Variants in MBD3 observed in about 807,000 individuals in gnomAD.
The protein encoded by MBD3 is methyl-CpG binding domain protein 3.
A neutral mutation model predicts 31.2 loss-of-function variants in MBD3; 13 were observed. The ratio of observed to expected loss-of-function variants is 0.42; its 90% CI spans 0.27 to 0.66. The LOEUF (loss-of-function observed/expected upper bound fraction) is 0.66. MBD3 is among the 30% of genes least tolerant of loss of function. The probability of loss-of-function intolerance (pLI) is 0.26; values close to 1 mark genes in which losing one functional copy is unlikely to be tolerated. For missense variants in MBD3, 440 were observed against 426.5 expected (o/e 1.03, Z -0.28); for synonymous variants, 223 against 187.4 (o/e 1.19, Z -1.55).
At chr19:1,588,962 A>C (rs1350577534) in intron 1 of MBD3, among the ~76,000 whole-genome samples, 1 of 152,086 alleles carries the variant, frequency 6.6e-6, no homozygotes. Context: ...AAATATGTGA[A>C]TATGCTGAAA....
intron 5 of MBD3, among the ~76,000 whole-genome samples, chr19:1,580,641 G>A (rs1018542563): frequency 1.3e-5 from 2 of 152,226 alleles, no homozygotes; most frequent in Admixed American, 1.3e-4. Flanking sequence ...GCTCACCCCT[G>A]GGCTGCTCAG....
At position 1,584,558 on chromosome 19, in the gene MBD3, C is replaced by A. The variant is rs371964375; in HGVS notation, c.390G>T (p.Ala130=). ...AGCTCACCTGGCGCGGCTGGTCCACCGCCTTCTGCGGGTCGCTCTTGACCT... is the reference window on the plus strand; with the variant it reads ...AGCTCACCTGGCGCGGCTGGTCCACAGCCTTCTGCGGGTCGCTCTTGACCT... ...SNKVKSDPQK[A]VDQPRQLFWE... The change falls in exon 3 of 7, where the codon GCG becomes GCT. Residue 130 remains alanine (A), a synonymous_variant. Coordinates refer to ENST00000434436, the MANE Select transcript of MBD3 (RefSeq NM_001281453.2). The A allele has an allele frequency of 3.4e-5, 55 of 1,613,526 alleles. No individual in the cohort carries two copies. The highest frequency in any genetic ancestry group is 4.0e-5 in the Non-Finnish European group (47 of 1,179,886).
Position 1,576,489 on chromosome 19 carries a change from CCA to C in MBD3, c.*1673_*1674del, listed in dbSNP as rs1214485524. On this transcript the variant is annotated 3_prime_UTR_variant, in exon 7 of 7. Coordinates refer to ENST00000434436, the MANE Select transcript of MBD3 (RefSeq NM_001281453.2). Reference sequence around the variant, plus strand: ...GCACCTCAGGGGGCACGGCCCTTGCCCACAGATGCCCAGGCCGGCCTGGTCTT... The same window carrying C: ...GCACCTCAGGGGGCACGGCCCTTGCCCAGATGCCCAGGCCGGCCTGGTCTT... 1.3e-5 allele frequency: 2 copies of C among 152,248 alleles called. No individual in the cohort carries two copies. The highest frequency in any genetic ancestry group is 6.5e-5 in the Admixed American group (1 of 15,272). The allele number at this position is 152,248 out of a possible 1,614,324, so 9.4% of individuals were successfully genotyped here.
intron 1 of MBD3, among the ~76,000 whole-genome samples, chr19:1,589,279 C>T (rs1189656935): frequency 6.7e-6 from 1 of 149,982 alleles, no homozygotes; most frequent in Non-Finnish European, 1.5e-5. Context: ...CGCAGTGAGC[C>T]CAGATTGCAG....
rs1194964734 is a variant in MBD3, at chr19:1,576,745, GCAGA to G, written c.*1415_*1418del. On this transcript the variant is annotated 3_prime_UTR_variant, in exon 7 of 7. Coordinates refer to ENST00000434436, the MANE Select transcript of MBD3 (RefSeq NM_001281453.2). Reference sequence around the variant, plus strand: ...CCACGCCCACGGCTCCCTCCACCAGGCAGACAGAGGGGAGGCCACCCCACTGCAA... The same window carrying G: ...CCACGCCCACGGCTCCCTCCACCAGGCAGAGGGGAGGCCACCCCACTGCAA... 2 of 152,460 alleles carry G rather than the reference GCAGA, an allele frequency of 1.3e-5. No homozygotes were observed. The highest frequency in any genetic ancestry group is 6.8e-3 in the Middle Eastern group (2 of 294). 9.4% of individuals were successfully genotyped at this position (152,460 alleles called of 1,614,324 possible).
At position 1,578,830 on chromosome 19, in the gene MBD3, C is replaced by G. The variant is rs574742051; in HGVS notation, c.678-292G>C. Among the ~76,000 whole-genome samples, 7 of 152,306 alleles carry G rather than the reference C, an allele frequency of 4.6e-5. No homozygotes were observed. Among genetic ancestry groups the G allele is most frequent in the Admixed American group, 4.6e-4 (7 of 15,308 alleles). Reference sequence around the variant, plus strand: ...GTCCCCAGACTTGGCCCTGAGCCTCCCCGGGGCTCAGCTGTGTAAACCCTT... The same window carrying G: ...GTCCCCAGACTTGGCCCTGAGCCTCGCCGGGGCTCAGCTGTGTAAACCCTT... On this transcript the variant is annotated intron_variant, in intron 5 of 6. Transcript: ENST00000434436. This position sits in a 1 kb window ranked among gnomAD's most constrained non-coding sequence, Gnocchi z 6.1.
At chr19:1,584,760 CCT>C in intron 2 of MBD3, 83 bp from the exon 3 acceptor site, 1 of 1,423,356 alleles carries the variant, frequency 7.0e-7, no homozygotes, top group Non-Finnish European at 9.5e-7. Flanking sequence ...CGGGTGACCC[CCT>C]GCTTTGCCGG....
At chr19:1,588,265 C>T (rs548758431) in intron 1 of MBD3, among the ~76,000 whole-genome samples, 135 of 152,300 alleles carry the variant, frequency 8.9e-4, no homozygotes, top group Non-Finnish European at 1.4e-3. Flanking sequence ...GGGCTCTTCC[C>T]GGAGATTTAC....
At chr19:1,588,723 G>A (rs888976935) in intron 1 of MBD3, among the ~76,000 whole-genome samples, 1 of 145,984 alleles carries the variant, frequency 6.9e-6, no homozygotes, top group Non-Finnish European at 1.5e-5. Context: ...AGGTTGCAGT[G>A]AGCCGAGATC....
In MBD3 at chr19:1,592,662, C is replaced by A; in HGVS notation, c.-31G>T. 1 of 910,118 alleles carries A rather than the reference C, an allele frequency of 1.1e-6. No homozygotes were observed. 56.4% of individuals were successfully genotyped at this position (910,118 alleles called of 1,614,324 possible). A position where few individuals can be genotyped will look rare whatever the true frequency, so the allele number is the denominator to read the frequency against. On this transcript the variant is annotated 5_prime_UTR_variant, in exon 1 of 7. Coordinates refer to ENST00000434436, the MANE Select transcript of MBD3 (RefSeq NM_001281453.2). ...CCGGCTCCTCGGCCCGCCGCCGGGC[C>A]CGCCGCCGCCGCCCGGACCCCCACT...
chr19:1,586,649 C>T lies in MBD3; in HGVS notation c.111-1435G>A, dbSNP rs937725208. ...TTAGTCTCCCAAGTAGCTAGGACGACAGGCACAAGCCACCACGCCTAATTT... is the reference window on the plus strand; with the variant it reads ...TTAGTCTCCCAAGTAGCTAGGACGATAGGCACAAGCCACCACGCCTAATTT... On this transcript the variant is annotated intron_variant, in intron 1 of 6. Transcript: ENST00000434436. 1.1e-4 allele frequency among the ~76,000 whole-genome samples: 16 copies of T among 150,146 alleles called. No homozygotes were observed. The Admixed American group carries it at 1.1e-3, about 10-fold the overall frequency.
In MBD3 at chr19:1,592,710, T is replaced by C; in HGVS notation, c.-79A>G. On this transcript the variant is annotated 5_prime_UTR_variant, in exon 1 of 7. Transcript: ENST00000434436. The stretch of plus-strand genomic sequence containing the variant: ...ACTCGCCGCCGCCGCCTCAGCTGCC[T>C]CCGCTGCCGCTGCCGCCGCCGCCAC... 2.6e-6 allele frequency: 1 copy of C among 384,612 alleles called. No individual in the cohort carries two copies. Among genetic ancestry groups the C allele is most frequent in the Non-Finnish European group, 3.6e-6 (1 of 277,896 alleles). The allele number at this position is 384,612 out of a possible 1,614,324, so 23.8% of individuals were successfully genotyped here.
intron 1 of MBD3, among the ~76,000 whole-genome samples, chr19:1,589,859 G>A (rs1276386572): frequency 6.6e-6 from 1 of 152,046 alleles, no homozygotes; most frequent in Non-Finnish European, 1.5e-5. Context: ...ATGAATGAAT[G>A]CAAATGCAAG....
rs553871012 is a variant in MBD3 at position 1,577,531 on chromosome 19, C to G, written c.*633G>C. 1 of 152,248 alleles carries G rather than the reference C, an allele frequency of 6.6e-6. No individual in the cohort carries two copies. The highest frequency in any genetic ancestry group is 1.5e-5 in the Non-Finnish European group (1 of 68,070). 9.4% of individuals were successfully genotyped at this position (152,248 alleles called of 1,614,324 possible). The stretch of plus-strand genomic sequence containing the variant: ...TTTGGTTTTCAGAAGCGAAGGCTGG[C>G]GTTGGCACACAGGGAAGGCTGCCCG... On this transcript the variant is annotated 3_prime_UTR_variant, in exon 7 of 7. Transcript: ENST00000434436.
intron 1 of MBD3, among the ~76,000 whole-genome samples, chr19:1,588,903 G>T (rs563015999): frequency 1.3e-5 from 2 of 152,208 alleles, no homozygotes; most frequent in African/African-American, 4.8e-5. Context: ...TTCTTTCTAG[G>T]GTGATGGAAA....
chr19:1,589,121 C>T (rs1195977104), intron 1 of MBD3, among the ~76,000 whole-genome samples: 1 of 152,010 alleles, frequency 6.6e-6, no homozygotes, highest in Non-Finnish European at 1.5e-5. Flanking sequence ...CACCTGAGAT[C>T]AGGAGTTCGA....
Position 1,585,112 on chromosome 19 carries a change from C to T in MBD3, c.213G>A (p.Met71Ile), listed in dbSNP as rs778889439. 1 of 1,612,682 alleles carries T rather than the reference C, an allele frequency of 6.2e-7. No homozygotes were observed. Among genetic ancestry groups the T allele is most frequent in the East Asian group, 2.2e-5 (1 of 44,854 alleles). The change falls in exon 2 of 7, where the codon ATG (methionine) becomes ATA (isoleucine). Residue 71 changes from methionine (M) to isoleucine (I), a missense_variant. Met to Ile is a conservative substitution (Grantham distance 10). Coordinates refer to ENST00000434436, the MANE Select transcript of MBD3 (RefSeq NM_001281453.2). This position sits in a 1 kb window ranked among gnomAD's most constrained non-coding sequence, Gnocchi z 4.1. ...GCTGGCGGCTCTTGTTCATCTTGCT[C>T]ATCAGCATCTTGCCCGTGCGGAAGT... Reference protein sequence around the residue: ...TFDFRTGKMLMSKMNKSRQRV... With the variant: ...TFDFRTGKMLISKMNKSRQRV...
chr19:1,582,754 C>G, intron 3 of MBD3, 42 bp from the exon 4 acceptor site: 1 of 1,562,038 alleles, frequency 6.4e-7, no homozygotes, highest in South Asian at 1.1e-5. Context: ...TGGCCCTGCC[C>G]TCTCCCCACT....
intron 2 of MBD3, 74 bp from the exon 3 acceptor site, chr19:1,584,751 G>C (rs1366553182): frequency 1.3e-6 from 2 of 1,481,854 alleles, no homozygotes; most frequent in East Asian, 2.5e-5. Flanking sequence ...TGCGGGGCCC[G>C]GGTGACCCCC....
Sources: gnomAD v4.1 joint callset for allele counts (sites outside exome capture counted in the v4.1 genomes callset) on GRCh38, gnomAD v4.1.1 for gene constraint, Gnocchi (gnomAD v3.1) non-coding constraint, MANE v1.5 for transcripts, NCBI Gene and HGNC (gene_info 2026-07-23, HGNC 2026-07-21) for gene names.